The following NSRP1 variants were observed in gnomAD, a reference collection of about 807,000 sequenced individuals.
NSRP1 encodes the protein coiled-coil domain containing 55.
A neutral mutation model predicts 54.7 loss-of-function variants in NSRP1; 24 were observed. The observed-to-expected ratio is 0.44, with a 90% confidence interval of 0.32 to 0.62. NSRP1 has a LOEUF of 0.62. Ranked by LOEUF, NSRP1 falls within the 20% of genes least tolerant of loss-of-function variation. The pLI is 0.06. For synonymous variants in NSRP1, 210 were observed against 213.8 expected, an observed-to-expected ratio of 0.98 and a Z score of 0.15; for missense variants, 596 against 651.2, an observed-to-expected ratio of 0.92 and a Z score of 0.92.
At chr17:30,145,476 G>C (rs915632486) in intron 2 of NSRP1, among the ~76,000 whole-genome samples, 1 of 152,124 alleles carries the variant, frequency 6.6e-6, no homozygotes, top group Non-Finnish European at 1.5e-5. Context: ...CCAGCTACTT[G>C]GGAGACTGAG....
chr17:30,174,240 G>T (rs1200982784), intron 3 of NSRP1, among the ~76,000 whole-genome samples: 1 of 152,060 alleles, frequency 6.6e-6, no homozygotes, highest in African/African-American at 2.4e-5. Context: ...TATCTGTTTA[G>T]TGGGACTTTT....
chr17:30,137,568 G>T (rs1038617915), intron 2 of NSRP1, among the ~76,000 whole-genome samples: 3 of 152,234 alleles, frequency 2.0e-5, no homozygotes, highest in Admixed American at 1.3e-4. Context: ...TGTAGCATGA[G>T]CGAGAAATAA....
intron 2 of NSRP1, among the ~76,000 whole-genome samples, chr17:30,151,620 C>G (rs1216290362): frequency 6.6e-6 from 1 of 152,064 alleles, no homozygotes; most frequent in Admixed American, 6.6e-5. Flanking sequence ...TTCTGAGTGC[C>G]AGAGACAGAA....
At chr17:30,124,674 A>G (rs2071634958) in intron 2 of NSRP1, among the ~76,000 whole-genome samples, 1 of 152,212 alleles carries the variant, frequency 6.6e-6, no homozygotes, top group African/African-American at 2.4e-5. Context: ...ACCTGGTGGG[A>G]ACTGGGCTTG....
chr17:30,157,875 CA>C (rs1904364699), intron 2 of NSRP1, among the ~76,000 whole-genome samples: 1 of 152,080 alleles, frequency 6.6e-6, no homozygotes, highest in East Asian at 1.9e-4. Context: ...TATTGTTTAA[CA>C]CACTTTATCC....
intron 6 of NSRP1, among the ~76,000 whole-genome samples, chr17:30,181,889 C>T (rs935011335): frequency 6.6e-6 from 1 of 151,796 alleles, no homozygotes; most frequent in Non-Finnish European, 1.5e-5. Flanking sequence ...GGATTATATG[C>T]ATGAGCCACC....
intron 2 of NSRP1, among the ~76,000 whole-genome samples, chr17:30,166,173 AC>A (rs1904725573): frequency 1.3e-5 from 2 of 152,206 alleles, no homozygotes; most frequent in African/African-American, 4.8e-5. Context: ...AAATTAACAT[AC>A]CTAGAATAAC....
At chr17:30,169,882 C>A (rs1399071986) in intron 2 of NSRP1, among the ~76,000 whole-genome samples, 1 of 150,522 alleles carries the variant, frequency 6.6e-6, no homozygotes, top group Admixed American at 6.6e-5. Flanking sequence ...TACAATACAA[C>A]TGAAGATAGC....
intron 2 of NSRP1, among the ~76,000 whole-genome samples, chr17:30,122,159 T>C (rs924113798): frequency 1.7e-4 from 26 of 151,580 alleles, no homozygotes; most frequent in Non-Finnish European, 2.9e-5. Context: ...CTGAATAATA[T>C]TCCATTGTAT....
chr17:30,121,847 C>T (rs369636943), intron 2 of NSRP1, among the ~76,000 whole-genome samples: 2 of 152,014 alleles, frequency 1.3e-5, no homozygotes, highest in South Asian at 2.1e-4. Flanking sequence ...GGATTACAGG[C>T]GTGAGCCGCC....
intron 1 of NSRP1, chr17:30,117,839 T>G: frequency 2.7e-6 from 1 of 375,104 alleles, no homozygotes; most frequent in Admixed American, 4.3e-5. Flanking sequence ...CTTCTCTTCT[T>G]TGATAAAAAT....
intron 6 of NSRP1, among the ~76,000 whole-genome samples, chr17:30,181,764 T>C (rs1224205380): frequency 6.6e-6 from 1 of 151,938 alleles, no homozygotes; most frequent in Non-Finnish European, 1.5e-5. Context: ...GTGCATGCAC[T>C]ACGCCCGGCT....
chr17:30,157,567 A>T (rs1351395185), intron 2 of NSRP1, among the ~76,000 whole-genome samples: 1 of 152,116 alleles, frequency 6.6e-6, no homozygotes, highest in African/African-American at 2.4e-5. Context: ...ATCTAACTGT[A>T]TGTTTGGGTA....
chr17:30,152,586 G>A (rs76761240), intron 2 of NSRP1, among the ~76,000 whole-genome samples: 3,522 of 151,686 alleles, frequency 0.023, 132 homozygotes, highest in African/African-American at 0.081. Context: ...GTTATTTTTT[G>A]CAAAGGGGGT....
At chr17:30,179,521 T>A (rs1905233484) in intron 5 of NSRP1, among the ~76,000 whole-genome samples, 1 of 152,248 alleles carries the variant, frequency 6.6e-6, no homozygotes, top group South Asian at 2.1e-4. Flanking sequence ...TTATTTCTAC[T>A]AGACTTTTCT....
intron 2 of NSRP1, among the ~76,000 whole-genome samples, chr17:30,158,861 T>C (rs1458686313): frequency 2.0e-5 from 3 of 152,122 alleles, no homozygotes; most frequent in East Asian, 1.9e-4. Flanking sequence ...AGTTTGGTTA[T>C]GATAGCCTTG....
At chr17:30,177,712 T>C (rs1385817957) in intron 3 of NSRP1, among the ~76,000 whole-genome samples, 1 of 152,222 alleles carries the variant, frequency 6.6e-6, no homozygotes. Context: ...AATGAATAAA[T>C]GATAATAATA....
chr17:30,120,315 A>T (rs1432275056), intron 2 of NSRP1, among the ~76,000 whole-genome samples: 1 of 152,190 alleles, frequency 6.6e-6, no homozygotes, highest in Non-Finnish European at 1.5e-5. Context: ...AGAATAATTG[A>T]CCATAAGAAA....
rs1567807225 is a variant in NSRP1 at position 30,179,181 on chromosome 17, A to C, written c.392A>C (p.Glu131Ala). The change falls in exon 5 of 7, where the codon GAA (glutamate) becomes GCA (alanine). Residue 131 changes from glutamate (E) to alanine (A), a missense_variant. Coordinates refer to ENST00000247026, the MANE Select transcript of NSRP1 (RefSeq NM_032141.4). The part of the protein sequence containing the change: ...RMEKKIQRER[E>A]MEKGEFDDKE... The stretch of plus-strand genomic sequence containing the variant: ...GAAAAGAAAATACAGAGAGAACGAG[A>C]AATGGAAAAGGGGGAGTTTGATGAT... 6 of 1,611,170 alleles carry C rather than the reference A, an allele frequency of 3.7e-6. No individual in the cohort carries two copies. The highest frequency in any genetic ancestry group is 1.1e-5 in the South Asian group (1 of 90,426).
Sources: allele counts gnomAD v4.1 joint callset (sites outside exome capture counted in the v4.1 genomes callset), GRCh38; gene constraint gnomAD v4.1.1; transcripts MANE v1.5; gene names NCBI Gene and HGNC (gene_info 2026-07-23, HGNC 2026-07-21).